The following TRMT112 variants were observed in gnomAD, a reference collection of about 807,000 sequenced individuals.
TRMT112 encodes multifunctional methyltransferase subunit TRM112-like protein.
Under a neutral mutation model 13.8 loss-of-function variants are expected in TRMT112, and 9 were observed. The observed-to-expected ratio is 0.65, with a 90% CI of 0.39 to 1.14. The LOEUF is 1.14. TRMT112 is among the 50% of genes most tolerant of loss of function. The probability of loss-of-function intolerance (pLI) is 0.01; values close to 1 mark genes in which losing one functional copy is unlikely to be tolerated. For synonymous variants in TRMT112, 64 were observed against 67.0 expected, an observed-to-expected ratio of 0.96 and a Z score of 0.22; for missense variants, 196 against 165.5, an observed-to-expected ratio of 1.18 and a Z score of -1.01.
chr11:64,317,107 T>C lies in TRMT112; in HGVS notation c.221A>G (p.Tyr74Cys), dbSNP rs780044390. 1.9e-6 allele frequency: 3 copies of C among 1,614,158 alleles called. No individual in the cohort carries two copies. Among genetic ancestry groups the C allele is most frequent in the Non-Finnish European group, 2.5e-6 (3 of 1,180,018 alleles). ...CCTCAGAAACTCCTCATTCTCCTCA[T>C]ATCCCTCAACCGGCCCTTTCGGCAC... ...IQVPKGPVEG[Y>C]EENEEFLRTM... The change falls in exon 3 of 4, where the codon TAT (tyrosine) becomes TGT (cysteine). Residue 74 changes from tyrosine to cysteine, a missense_variant. By Grantham distance (194) the Tyr-to-Cys change is radical. Coordinates refer to ENST00000544844, the MANE Select transcript of TRMT112 (RefSeq NM_016404.3).
chr11:64,317,902 T>C, upstream of TRMT112: 2 of 1,339,756 alleles, frequency 1.5e-6, no homozygotes, highest in South Asian at 3.3e-5. Flanking sequence ...CACTTTCGGT[T>C]AAGGGGCAGA....
At position 64,317,314 on chromosome 11, in the gene TRMT112, G is replaced by A; in HGVS notation, c.130C>T (p.Arg44Cys). Residue 44 changes from arginine (R) to cysteine (C), a missense_variant, in exon 2 of 4, where the codon CGT becomes TGT. Arg to Cys is a radical substitution (Grantham distance 180, BLOSUM62 -3). Coordinates refer to ENST00000544844, the MANE Select transcript of TRMT112 (RefSeq NM_016404.3). ...PVEFNPNFVA[R>C]MIPKVEWSAF... ...GACCACTCCACTTTAGGTATCATAC[G>A]CGCCACGAAGTTGGGGTTGAATTCC... 6.2e-7 allele frequency: 1 copy of A among 1,614,152 alleles called. No homozygotes were observed. The highest frequency in any genetic ancestry group is 8.5e-7 in the Non-Finnish European group (1 of 1,179,992).
chr11:64,318,002 C>A, upstream of TRMT112: 1 of 1,411,514 alleles, frequency 7.1e-7, no homozygotes, highest in Non-Finnish European at 9.2e-7. Flanking sequence ...CCGAAAGCTC[C>A]GCCCCATTTG....
At chr11:64,317,887 T>A, upstream of TRMT112, 1 of 1,301,668 alleles carries the variant, frequency 7.7e-7, no homozygotes, top group South Asian at 1.7e-5. Context: ...TCGTCCTCTG[T>A]ATCCCACTTT....
rs747870648 is a variant in TRMT112 at position 64,317,436 on chromosome 11, C to A, written c.78+13G>T. The A allele has an allele frequency of 3.7e-6, 6 of 1,612,628 alleles. No homozygotes were observed. The highest frequency in any genetic ancestry group is 5.1e-6 in the Non-Finnish European group (6 of 1,179,374). ...ATCCCGCCCGAAAAGGGAAGACTGC[C>A]GCCGGCGGGTACCTGGAGGCGCAGG... On this transcript the variant is annotated intron_variant, in intron 1 of 3. Transcript: ENST00000544844.
chr11:64,318,007 C>T (rs2035352978), upstream of TRMT112: 3 of 1,412,628 alleles, frequency 2.1e-6, no homozygotes, highest in Admixed American at 3.1e-5. Context: ...AGCTCCGCCC[C>T]ATTTGTAGTT....
upstream of TRMT112, chr11:64,317,887 T>C (rs775603383): frequency 1.2e-4 from 156 of 1,301,668 alleles, no homozygotes; most frequent in Middle Eastern, 2.8e-4. Context: ...TCGTCCTCTG[T>C]ATCCCACTTT....
chr11:64,317,780 C>T, upstream of TRMT112: 1 of 766,480 alleles, frequency 1.3e-6, no homozygotes, highest in South Asian at 2.3e-5. Context: ...ACAAATTCTT[C>T]GTAAGATGCA....
upstream of TRMT112, chr11:64,318,427 C>G: frequency 3.2e-6 from 5 of 1,569,794 alleles, no homozygotes; most frequent in Non-Finnish European, 4.3e-6. Context: ...CCCCACTACC[C>G]CCATGGCAAT....
At chr11:64,317,644 C>G, upstream of TRMT112, 1 of 1,110,890 alleles carries the variant, frequency 9.0e-7, no homozygotes, top group Non-Finnish European at 1.3e-6. Context: ...AAGTGGCGAA[C>G]TTGCTGGAAC....
chr11:64,318,142 G>A, upstream of TRMT112: 1 of 1,587,160 alleles, frequency 6.3e-7, no homozygotes, highest in Non-Finnish European at 8.6e-7. Flanking sequence ...TGTCGCCGCT[G>A]TGCCGCTAGC....
upstream of TRMT112, chr11:64,317,788 G>T (rs1010796884): frequency 2.6e-6 from 2 of 778,040 alleles, no homozygotes; most frequent in Non-Finnish European, 3.8e-6. Context: ...TTCGTAAGAT[G>T]CAAATCATAT....
chr11:64,316,683 G>A lies in TRMT112; in HGVS notation c.*178C>T, dbSNP rs959897966. On this transcript the variant is annotated 3_prime_UTR_variant, in exon 4 of 4. Transcript: ENST00000544844. ...TTTTAATGTATATTTGCTGCAAAGA[G>A]AAACCGCTTTTGGTTTTAAACCTTT... 62 of 609,320 alleles carry A rather than the reference G, an allele frequency of 1.0e-4. No individual in the cohort carries two copies. The highest frequency in any genetic ancestry group is 4.6e-4 in the South Asian group (22 of 48,272). The allele number at this position is 609,320 out of a possible 1,614,324, so 37.7% of individuals were successfully genotyped here.
upstream of TRMT112, chr11:64,317,794 C>G: frequency 1.3e-6 from 1 of 781,768 alleles, no homozygotes; most frequent in Non-Finnish European, 1.9e-6. Context: ...AGATGCAAAT[C>G]ATATGCAAAA....
intron 2 of TRMT112, 48 bp downstream of exon 2, chr11:64,317,216 C>T (rs773980688): frequency 6.2e-7 from 1 of 1,609,074 alleles, no homozygotes; most frequent in African/African-American, 1.3e-5. Context: ...TGAGGTGTGC[C>T]CGCCCCGCAT....
Position 64,317,552 on chromosome 11 carries a change from C to G in TRMT112, c.-26G>C, listed in dbSNP as rs1301366049. 6.6e-7 allele frequency: 1 copy of G among 1,519,448 alleles called. No individual in the cohort carries two copies. The highest frequency in any genetic ancestry group is 1.4e-5 in the African/African-American group (1 of 72,728). 94.1% of individuals were successfully genotyped at this position (1,519,448 alleles called of 1,614,324 possible). On this transcript the variant is annotated 5_prime_UTR_variant, in exon 1 of 4. Transcript: ENST00000544844. Reference sequence around the variant, plus strand: ...GTCGCCGCACAAACTCTCGCCAGGCCGGAACCGGAAAAAGGTCGTCCTCCG... The same window carrying G: ...GTCGCCGCACAAACTCTCGCCAGGCGGGAACCGGAAAAAGGTCGTCCTCCG...
rs562975998 is a variant in TRMT112 at position 64,317,530 on chromosome 11, G to A, written c.-4C>T. ...GATTGTGGGTAAGCAGTTTCATGTC[G>A]CCGCACAAACTCTCGCCAGGCCGGA... On this transcript the variant is annotated 5_prime_UTR_variant, in exon 1 of 4. Coordinates refer to ENST00000544844, the MANE Select transcript of TRMT112 (RefSeq NM_016404.3). 1.2e-5 allele frequency: 19 copies of A among 1,561,094 alleles called. No homozygotes were observed. Among genetic ancestry groups the A allele is most frequent in the Admixed American group, 3.7e-5 (2 of 53,570 alleles).
upstream of TRMT112, chr11:64,318,372 A>G (rs750481771): frequency 3.7e-6 from 6 of 1,608,500 alleles, no homozygotes; most frequent in Non-Finnish European, 5.1e-6. Context: ...CGCTGCAGCC[A>G]TGGCCCCAAT....
upstream of TRMT112, chr11:64,318,198 A>G (rs964258104): frequency 1.2e-6 from 2 of 1,610,822 alleles, no homozygotes; most frequent in Admixed American, 1.7e-5. Context: ...GCGGAGTGGA[A>G]GTGGCCGTGG....
Sources: allele counts gnomAD v4.1 joint callset, GRCh38; gene constraint gnomAD v4.1.1; transcripts MANE v1.5; gene names NCBI Gene and HGNC (gene_info 2026-07-23, HGNC 2026-07-21).